The following NRG1 variants were observed in gnomAD, a reference collection of about 807,000 sequenced individuals.
NRG1 encodes the protein pro-neuregulin-1, membrane-bound isoform.
NRG1 carries 18 observed loss-of-function variants against 63.8 expected under a neutral mutation model. The ratio of observed to expected loss-of-function variants is 0.28; its 90% CI spans 0.19 to 0.42. The LOEUF is 0.42. NRG1 is among the 10% of genes least tolerant of loss of function. The pLI is 1.00. For missense variants in NRG1, 762 were observed against 814.7 expected, an observed-to-expected ratio of 0.94 and a Z score of 0.79; for synonymous variants, 302 against 301.3, an observed-to-expected ratio of 1.00 and a Z score of -0.02.
At chr8:32,029,371 A>C (rs1438467265) in intron 1 of NRG1, 1 of 152,216 alleles carries the variant, frequency 6.6e-6, no homozygotes, top group Non-Finnish European at 1.5e-5. Context: ...TTTTACTTGC[A>C]ATTCCAGAAT....
chr8:32,611,619 A>T (rs935773259), intron 3 of NRG1, among the ~76,000 whole-genome samples: 1 of 152,088 alleles, frequency 6.6e-6, no homozygotes, highest in Non-Finnish European at 1.5e-5. Context: ...AGCATTCATT[A>T]TGAACAGGAA....
chr8:32,237,969 A>C (rs568150325), intron 1 of NRG1, among the ~76,000 whole-genome samples: 75 of 152,292 alleles, frequency 4.9e-4, no homozygotes, highest in Admixed American at 2.2e-3. Flanking sequence ...CCATGGAAAA[A>C]ATAAACACTC....
intron 1 of NRG1, among the ~76,000 whole-genome samples, chr8:31,977,818 C>G (rs552064506): frequency 1.3e-5 from 2 of 151,938 alleles, no homozygotes; most frequent in South Asian, 4.2e-4. Flanking sequence ...GTGTAGGGAC[C>G]ATTTCTTCAT....
intron 1 of NRG1, among the ~76,000 whole-genome samples, chr8:32,402,457 A>G (rs1369132743): frequency 1.3e-5 from 2 of 152,138 alleles, no homozygotes; most frequent in East Asian, 3.9e-4. Context: ...GTTAAATTGC[A>G]TGCCATTCTG....
chr8:32,694,658 G>GA (rs1451540529), intron 5 of NRG1, among the ~76,000 whole-genome samples: 1 of 152,160 alleles, frequency 6.6e-6, no homozygotes, highest in African/African-American at 2.4e-5. Context: ...ATTGTCCTTT[G>GA]AATTAAGCAG....
At chr8:32,356,936 G>A (rs1232780812) in intron 1 of NRG1, among the ~76,000 whole-genome samples, 2 of 152,206 alleles carry the variant, frequency 1.3e-5, no homozygotes, top group African/African-American at 4.8e-5. Context: ...ATTGCAAGGG[G>A]AAAGGTCTGT....
chr8:31,833,655 T>C (rs1441280063), intron 1 of NRG1, among the ~76,000 whole-genome samples: 1 of 152,212 alleles, frequency 6.6e-6, no homozygotes, highest in Non-Finnish European at 1.5e-5. Flanking sequence ...GGCTTGGGTA[T>C]GTCCCTGCTT....
At chr8:31,860,618 A>G (rs945596111) in intron 1 of NRG1, among the ~76,000 whole-genome samples, 1 of 152,200 alleles carries the variant, frequency 6.6e-6, no homozygotes, top group African/African-American at 2.4e-5. Flanking sequence ...GACAATAATA[A>G]TATCTTCAAC....
intron 1 of NRG1, among the ~76,000 whole-genome samples, chr8:32,046,015 CAG>C (rs1475897007): frequency 1.3e-5 from 2 of 151,910 alleles, no homozygotes; most frequent in African/African-American, 4.8e-5. Flanking sequence ...AAGCTATAGA[CAG>C]AAATAAAATC....
intron 1 of NRG1, among the ~76,000 whole-genome samples, chr8:32,161,251 T>G (rs999673246): frequency 6.6e-6 from 1 of 152,150 alleles, no homozygotes; most frequent in East Asian, 1.9e-4. Context: ...TGATGAATTC[T>G]CATCTCAAAT....
intron 1 of NRG1, among the ~76,000 whole-genome samples, chr8:31,757,704 G>T (rs1030286542): frequency 7.9e-5 from 12 of 152,034 alleles, no homozygotes; most frequent in Admixed American, 5.2e-4. Context: ...CCAGAGGGAA[G>T]AAAATAGATG....
intron 1 of NRG1, among the ~76,000 whole-genome samples, chr8:31,877,463 G>GTC (rs958741908): frequency 1.3e-5 from 2 of 151,342 alleles, no homozygotes; most frequent in African/African-American, 4.9e-5. Context: ...CTGTCTCTGT[G>GTC]TCTCTCTCTC....
At chr8:32,664,881 T>A (rs1803759387) in intron 5 of NRG1, among the ~76,000 whole-genome samples, 1 of 152,160 alleles carries the variant, frequency 6.6e-6, no homozygotes, top group Non-Finnish European at 1.5e-5. Context: ...CCTAAGTCTT[T>A]ATGTATTTAT....
At chr8:32,276,571 T>G (rs1852119008) in intron 1 of NRG1, among the ~76,000 whole-genome samples, 1 of 152,094 alleles carries the variant, frequency 6.6e-6, no homozygotes, top group Admixed American at 6.6e-5. Context: ...AATGTCACAA[T>G]CATAATTCAC....
intron 1 of NRG1, among the ~76,000 whole-genome samples, chr8:32,440,941 A>C (rs16879394): frequency 0.065 from 9,936 of 152,242 alleles, 364 homozygotes; most frequent in Middle Eastern, 0.085. Flanking sequence ...AAATTGAGAA[A>C]CAGAATTTGA....
chr8:31,925,851 C>G (rs921232634), intron 1 of NRG1, among the ~76,000 whole-genome samples: 5 of 152,110 alleles, frequency 3.3e-5, no homozygotes, highest in Admixed American at 1.3e-4. Context: ...GTCTGGTCAT[C>G]TTTTTAAAAA....
In NRG1 at chr8:31,871,488, G is replaced by A. The variant is rs751142841; in HGVS notation, c.37+232057G>A. 2.6e-5 allele frequency among the ~76,000 whole-genome samples: 4 copies of A among 151,834 alleles called. No homozygotes were observed. In the East Asian group the frequency reaches 5.8e-4, roughly 22 times the overall value. Reference sequence around the variant, plus strand: ...ATTTATATTGCATTAAACTTTTCTCGGTGTTCTCTAATTCCAGGGGTTCTT... The same window carrying A: ...ATTTATATTGCATTAAACTTTTCTCAGTGTTCTCTAATTCCAGGGGTTCTT... On this transcript the variant is annotated intron_variant, in intron 1 of 10. Transcript: ENST00000519301.
chr8:31,691,277 T>C (rs1809472021), intron 1 of NRG1, among the ~76,000 whole-genome samples: 1 of 152,024 alleles, frequency 6.6e-6, no homozygotes, highest in Admixed American at 6.6e-5. Context: ...ATCTCATCAG[T>C]GAATGGGTAG....
intron 1 of NRG1, among the ~76,000 whole-genome samples, chr8:32,482,501 C>A (rs181072059): frequency 4.5e-4 from 69 of 151,868 alleles, no homozygotes; most frequent in African/African-American, 1.6e-3. Flanking sequence ...TGCCTGAGAT[C>A]AAATCTGCCA....
Sources: allele counts gnomAD v4.1 joint callset (sites outside exome capture counted in the v4.1 genomes callset), GRCh38; gene constraint gnomAD v4.1.1; transcripts MANE v1.5; gene names NCBI Gene and HGNC (gene_info 2026-07-23, HGNC 2026-07-21).